The following GMDS variants were observed in gnomAD, a reference collection of about 807,000 sequenced individuals.
The protein encoded by GMDS is GDP-mannose 4,6 dehydratase.
Under a neutral mutation model 49.9 loss-of-function variants are expected in GMDS, and 20 were observed. That is an observed-to-expected ratio of 0.40 (90% CI 0.28 to 0.58). The LOEUF is 0.58. GMDS is among the 20% of genes least tolerant of loss of function. GMDS has a pLI of 0.42. For missense variants in GMDS, 362 were observed against 481.4 expected (o/e 0.75, Z 2.32); for synonymous variants, 177 against 178.6 (o/e 0.99, Z 0.07).
chr6:1,915,653 G>A (rs1761344727), intron 7 of GMDS, among the ~76,000 whole-genome samples: 1 of 152,258 alleles, frequency 6.6e-6, no homozygotes, highest in Non-Finnish European at 1.5e-5. Flanking sequence ...GAGCATCACA[G>A]TGCAGGGTAC....
At chr6:1,661,514 G>C (rs1041879044) in intron 9 of GMDS, among the ~76,000 whole-genome samples, 2 of 152,226 alleles carry the variant, frequency 1.3e-5, no homozygotes, top group African/African-American at 4.8e-5. Context: ...ACAAGCCCGA[G>C]TGGGTCTGGG....
chr6:1,826,485 AG>A (rs1771115779), intron 7 of GMDS, among the ~76,000 whole-genome samples: 3 of 152,246 alleles, frequency 2.0e-5, no homozygotes, highest in Admixed American at 2.0e-4. Context: ...AGTGCTTAAA[AG>A]TTTGTTGTAG....
chr6:2,058,425 CA>C (rs1770906723), intron 4 of GMDS, among the ~76,000 whole-genome samples: 1 of 151,258 alleles, frequency 6.6e-6, no homozygotes, highest in African/African-American at 2.4e-5. Flanking sequence ...GCCAAGATAC[CA>C]GTACGAGCGG....
chr6:1,641,526 C>T (rs532287629), intron 9 of GMDS, among the ~76,000 whole-genome samples: 1 of 152,220 alleles, frequency 6.6e-6, no homozygotes, highest in African/African-American at 2.4e-5. Context: ...ACCTGAAGGG[C>T]CACTGCGATC....
intron 1 of GMDS, among the ~76,000 whole-genome samples, chr6:2,213,141 A>T (rs548827238): frequency 6.6e-6 from 1 of 152,230 alleles, no homozygotes; most frequent in East Asian, 1.9e-4. Flanking sequence ...TAGAAATCAT[A>T]AAACTGTAAT....
At chr6:1,898,614 G>T (rs1467739646) in intron 7 of GMDS, among the ~76,000 whole-genome samples, 1 of 152,154 alleles carries the variant, frequency 6.6e-6, no homozygotes, top group African/African-American at 2.4e-5. Flanking sequence ...TCACAGTCTA[G>T]CATGGAAGAA....
At chr6:2,026,280 A>G (rs1488260462) in intron 4 of GMDS, among the ~76,000 whole-genome samples, 1 of 152,122 alleles carries the variant, frequency 6.6e-6, no homozygotes, top group Non-Finnish European at 1.5e-5. Flanking sequence ...AAAAAGCTCC[A>G]TCTAGTCTTA....
intron 2 of GMDS, among the ~76,000 whole-genome samples, chr6:2,119,279 T>C (rs555160620): frequency 3.4e-4 from 52 of 152,292 alleles, no homozygotes; most frequent in Non-Finnish European, 6.8e-4. Context: ...AAATATTAAA[T>C]GATTTTGATG....
intron 4 of GMDS, among the ~76,000 whole-genome samples, chr6:2,104,714 A>G (rs1774121054): frequency 6.6e-6 from 1 of 152,170 alleles, no homozygotes; most frequent in African/African-American, 2.4e-5. Context: ...GAACATAACC[A>G]ATAGATTTTT....
chr6:1,697,530 A>G (rs1765385772), intron 9 of GMDS, among the ~76,000 whole-genome samples: 1 of 152,200 alleles, frequency 6.6e-6, no homozygotes, highest in South Asian at 2.1e-4. Context: ...AACAATGCAA[A>G]AACCTTGGCG....
intron 4 of GMDS, among the ~76,000 whole-genome samples, chr6:1,994,898 A>C (rs1766182025): frequency 6.6e-6 from 1 of 152,202 alleles, no homozygotes; most frequent in Non-Finnish European, 1.5e-5. Flanking sequence ...TAAAATTAAG[A>C]AAAATATCAA....
At chr6:1,838,464 T>G (rs1298473191) in intron 7 of GMDS, among the ~76,000 whole-genome samples, 1 of 152,242 alleles carries the variant, frequency 6.6e-6, no homozygotes, top group Admixed American at 6.5e-5. Flanking sequence ...AGTTGGAGTA[T>G]CAGGGATGAT....
chr6:2,053,581 A>T (rs1411884692), intron 4 of GMDS, among the ~76,000 whole-genome samples: 1 of 152,072 alleles, frequency 6.6e-6, no homozygotes, highest in Non-Finnish European at 1.5e-5. Context: ...AACTTTTTAT[A>T]GTTGTCCTAT....
chr6:2,048,135 T>C (rs1360731591), intron 4 of GMDS, among the ~76,000 whole-genome samples: 1 of 152,224 alleles, frequency 6.6e-6, no homozygotes, highest in Non-Finnish European at 1.5e-5. Flanking sequence ...ACCTCATCAT[T>C]CAAACTGCAA....
chr6:1,860,015 GC>G (rs1237199536), intron 7 of GMDS, among the ~76,000 whole-genome samples: 35 of 152,122 alleles, frequency 2.3e-4, no homozygotes, highest in Non-Finnish European at 4.4e-5. Context: ...ACAGTCCTGA[GC>G]CCCACTGGCC....
intron 7 of GMDS, among the ~76,000 whole-genome samples, chr6:1,823,591 CT>C: frequency 6.6e-6 from 1 of 152,254 alleles, no homozygotes; most frequent in South Asian, 2.1e-4. Context: ...CCCACATGCC[CT>C]TTCTGGCACC....
At chr6:1,892,412 T>C (rs1420441606) in intron 7 of GMDS, among the ~76,000 whole-genome samples, 1 of 152,094 alleles carries the variant, frequency 6.6e-6, no homozygotes, top group East Asian at 1.9e-4. Context: ...CAGGGTGGAG[T>C]GCAGTGGTAT....
intron 7 of GMDS, among the ~76,000 whole-genome samples, chr6:1,831,728 C>G (rs1408142433): frequency 6.6e-6 from 1 of 152,094 alleles, no homozygotes; most frequent in East Asian, 1.9e-4. Context: ...GAGCTGAAGC[C>G]TGCTTCTAGA....
At chr6:2,200,993 T>C (rs1479041994) in intron 1 of GMDS, among the ~76,000 whole-genome samples, 5 of 131,600 alleles carry the variant, frequency 3.8e-5, no homozygotes, top group African/African-American at 1.5e-4. Context: ...GATGAACCAA[T>C]CTAGGCAGTG....
Sources: gnomAD v4.1 joint callset for allele counts (sites outside exome capture counted in the v4.1 genomes callset) on GRCh38, gnomAD v4.1.1 for gene constraint, MANE v1.5 for transcripts, NCBI Gene and HGNC (gene_info 2026-07-23, HGNC 2026-07-21) for gene names.